The following PCDH15 variants were observed in gnomAD, a reference collection of about 807,000 sequenced individuals.
PCDH15 encodes protocadherin-15.
PCDH15 carries 129 observed loss-of-function variants against 178.5 expected under a neutral mutation model. The ratio of observed to expected loss-of-function variants is 0.72; its 90% CI spans 0.63 to 0.84. PCDH15 has a LOEUF of 0.84. Among genes scored for constraint, PCDH15 ranks in the 40% least tolerant of loss-of-function variants. The probability of loss-of-function intolerance (pLI) is 0.00; values close to 1 mark genes in which losing one functional copy is unlikely to be tolerated. For missense variants in PCDH15, 2,230 were observed against 2,099.9 expected, an observed-to-expected ratio of 1.06 and a Z score of -1.21; for synonymous variants, 800 against 732.0, an observed-to-expected ratio of 1.09 and a Z score of -1.50.
At chr10:54,892,784 G>A (rs1302717874) in intron 3 of PCDH15, among the ~76,000 whole-genome samples, 2 of 148,794 alleles carry the variant, frequency 1.3e-5, no homozygotes, top group Non-Finnish European at 3.0e-5. Context: ...AAGCTGGAGT[G>A]CAATGGATCT....
intron 2 of PCDH15, among the ~76,000 whole-genome samples, chr10:55,041,991 A>G (rs1005680429): frequency 6.6e-6 from 1 of 152,118 alleles, no homozygotes; most frequent in African/African-American, 2.4e-5. Context: ...TACACAGTGT[A>G]TTACTATTCA....
At chr10:54,875,006 C>G (rs957247920) in intron 3 of PCDH15, among the ~76,000 whole-genome samples, 17 of 152,256 alleles carry the variant, frequency 1.1e-4, no homozygotes, top group African/African-American at 4.1e-4. Context: ...AGCCTATATA[C>G]AAGCACGCTT....
intron 2 of PCDH15, among the ~76,000 whole-genome samples, chr10:55,589,204 C>A (rs576937878): frequency 3.3e-5 from 5 of 151,402 alleles, no homozygotes; most frequent in African/African-American, 1.2e-4. Context: ...ACGTTTAAGT[C>A]TTTAATCCAC....
chr10:54,652,535 C>T (rs1590840809), intron 2 of PCDH15, among the ~76,000 whole-genome samples: 1 of 152,190 alleles, frequency 6.6e-6, no homozygotes, highest in African/African-American at 2.4e-5. Context: ...TATATTCAAC[C>T]TCTATCCCCT....
rs542830010 is a variant in PCDH15 at position 55,050,521 on chromosome 10, A to G, written c.-80+116055T>C. Among the ~76,000 whole-genome samples the G allele has an allele frequency of 1.3e-4, 20 of 152,176 alleles. No homozygotes were observed. The South Asian group carries it at 3.1e-3, about 24-fold the overall frequency. On this transcript the variant is annotated intron_variant, in intron 2 of 5. Transcript: ENST00000458638. Reference sequence around the variant, plus strand: ...GTACCTTGTATATAAAATGTCCAATACAGTTCAGTAATTATTATTAACATT... The same window carrying G: ...GTACCTTGTATATAAAATGTCCAATGCAGTTCAGTAATTATTATTAACATT...
At chr10:54,208,977 C>CCT (rs954030763) in intron 10 of PCDH15, among the ~76,000 whole-genome samples, 7 of 150,244 alleles carry the variant, frequency 4.7e-5, no homozygotes, top group South Asian at 4.2e-4. Context: ...CTTTTTTTTT[C>CCT]CTCTCTCTCT....
intron 15 of PCDH15, among the ~76,000 whole-genome samples, chr10:54,122,054 C>T (rs2041576606): frequency 6.7e-6 from 1 of 149,972 alleles, no homozygotes; most frequent in Non-Finnish European, 1.5e-5. Flanking sequence ...CACACACACA[C>T]ACAATGAAAC....
At chr10:55,431,781 A>C (rs1436895149) in intron 2 of PCDH15, among the ~76,000 whole-genome samples, 1 of 152,086 alleles carries the variant, frequency 6.6e-6, no homozygotes, top group Non-Finnish European at 1.5e-5. Flanking sequence ...AATACTCATA[A>C]ATTTGAAACC....
chr10:53,885,537 ATTAT>A (rs1225748876), intron 26 of PCDH15, among the ~76,000 whole-genome samples: 1 of 152,150 alleles, frequency 6.6e-6, no homozygotes, highest in Non-Finnish European at 1.5e-5. Flanking sequence ...TATAGAGATA[ATTAT>A]TTATTTTTTC....
intron 1 of PCDH15, among the ~76,000 whole-genome samples, chr10:55,223,989 C>T (rs1056879292): frequency 1.3e-5 from 2 of 152,042 alleles, no homozygotes; most frequent in Admixed American, 6.6e-5. Context: ...TGGTGGCTCA[C>T]GCCTGTAATC....
At chr10:54,748,522 C>T (rs1945774501) in intron 1 of PCDH15, among the ~76,000 whole-genome samples, 1 of 152,046 alleles carries the variant, frequency 6.6e-6, no homozygotes, top group African/African-American at 2.4e-5. Flanking sequence ...CCCCATGTGT[C>T]CCCACGGTAT....
Position 54,332,373 on chromosome 10 carries a change from TA to T in PCDH15, c.595-2668del, listed in dbSNP as rs11308982. 4.3e-3 allele frequency among the ~76,000 whole-genome samples: 257 copies of T among 59,640 alleles called. 36 individuals carry two copies. Among genetic ancestry groups the T allele is most frequent in the African/African-American group, 6.9e-3 (101 of 14,630 alleles). 39.1% of individuals were successfully genotyped at this position (59,640 alleles called of 152,430 possible). On this transcript the variant is annotated intron_variant, in intron 6 of 37. Coordinates refer to ENST00000644397, the MANE Select transcript of PCDH15 (RefSeq NM_001384140.1). ...AATATAATATAATCTATATTATATA[TA>T]TAATATATATATAGTAAATTTTCTG...
At chr10:54,492,260 G>A (rs1170751949) in intron 3 of PCDH15, among the ~76,000 whole-genome samples, 1 of 152,136 alleles carries the variant, frequency 6.6e-6, no homozygotes, top group Non-Finnish European at 1.5e-5. Context: ...ACAAAGACCT[G>A]TACCACTCCC....
chr10:54,576,061 A>G (rs867252401), intron 2 of PCDH15, among the ~76,000 whole-genome samples: 38 of 152,274 alleles, frequency 2.5e-4, no homozygotes, highest in African/African-American at 8.7e-4. Context: ...AAACAAACAA[A>G]CAAACAAGCT....
intron 2 of PCDH15, among the ~76,000 whole-genome samples, chr10:55,519,624 T>A (rs1841108422): frequency 2.0e-5 from 3 of 152,044 alleles, no homozygotes; most frequent in Admixed American, 1.3e-4. Context: ...TACAAACATA[T>A]AATTAACTCA....
chr10:53,840,234 C>T lies in PCDH15; in HGVS notation c.3983+86G>A. The T allele has an allele frequency of 2.0e-6, 3 of 1,473,312 alleles. No individual in the cohort carries two copies. In the South Asian group the frequency reaches 3.4e-5, roughly 17 times the overall value. The allele number at this position is 1,473,312 out of a possible 1,614,324, so 91.3% of individuals were successfully genotyped here. A position where few individuals can be genotyped will look rare whatever the true frequency, so the allele number is the denominator to read the frequency against. The stretch of plus-strand genomic sequence containing the variant: ...CAGTAACTATTTGGTGGGTTTTAAA[C>T]TTTAAGTACTTATAGCCTCAAGTCA... On this transcript the variant is annotated intron_variant, in intron 29 of 37. Transcript: ENST00000644397.
intron 2 of PCDH15, among the ~76,000 whole-genome samples, chr10:54,941,937 G>A (rs1308155785): frequency 6.6e-6 from 1 of 151,942 alleles, no homozygotes; most frequent in East Asian, 1.9e-4. Flanking sequence ...CTCTTTCAAT[G>A]ATTTCTCTGG....
At chr10:55,070,093 T>A (rs1841688724) in intron 2 of PCDH15, among the ~76,000 whole-genome samples, 3 of 151,140 alleles carry the variant, frequency 2.0e-5, no homozygotes, top group Non-Finnish European at 4.5e-5. Flanking sequence ...GAAGTGTCTG[T>A]TCATGTCCTT....
At chr10:55,502,374 C>T (rs1185841978) in intron 2 of PCDH15, among the ~76,000 whole-genome samples, 2 of 151,588 alleles carry the variant, frequency 1.3e-5, no homozygotes, top group African/African-American at 4.8e-5. Context: ...AGAACCCCAC[C>T]AATCATATTT....
Sources: allele counts gnomAD v4.1 joint callset (sites outside exome capture counted in the v4.1 genomes callset), GRCh38; gene constraint gnomAD v4.1.1; transcripts MANE v1.5; gene names NCBI Gene and HGNC (gene_info 2026-07-23, HGNC 2026-07-21).